COL4A6: variants seen among roughly 807,000 people sequenced by gnomAD.
COL4A6 encodes the protein collagen alpha-6(IV) chain.
A neutral mutation model predicts 126.7 loss-of-function variants in COL4A6; 59 were observed. The observed-to-expected ratio is 0.47, with a 90% CI of 0.38 to 0.58. COL4A6 has a LOEUF of 0.58. Ranked by LOEUF, COL4A6 falls within the 20% of genes least tolerant of loss-of-function variation. The pLI, the probability that COL4A6 is intolerant of heterozygous loss-of-function variation, is 0.00. For synonymous variants in COL4A6, 547 were observed against 496.6 expected (o/e 1.10, Z -1.35); for missense variants, 1,285 against 1,337.3 (o/e 0.96, Z 0.61).
intron 2 of COL4A6, among the ~76,000 whole-genome samples, chrX:108,409,960 C>T (rs374885981): frequency 6.3e-5 from 7 of 111,653 alleles, no homozygotes; most frequent in African/African-American, 2.0e-4. Flanking sequence ...AAGTCTTCCC[C>T]GGAATCCTCC....
chrX:108,165,186 C>T, intron 38 of COL4A6, 148 bp from the exon 39 acceptor site: 1 of 816,508 alleles, frequency 1.2e-6, no homozygotes, highest in Non-Finnish European at 1.8e-6. Flanking sequence ...CCCAGACTTT[C>T]CCAAACCATT....
At chrX:108,343,787 T>C (rs2039642162) in intron 2 of COL4A6, among the ~76,000 whole-genome samples, 2 of 86,418 alleles carry the variant, frequency 2.3e-5, no homozygotes, top group Admixed American at 2.9e-4. Context: ...TATTTTTGGC[T>C]GCAAAGGCAA....
chrX:108,385,204 G>A (rs189680677), intron 2 of COL4A6, among the ~76,000 whole-genome samples: 2 of 107,938 alleles, frequency 1.9e-5, no homozygotes. Flanking sequence ...TCTGTACACT[G>A]GTAATGAACA....
intron 3 of COL4A6, among the ~76,000 whole-genome samples, chrX:108,284,486 C>A (rs189271858): frequency 8.9e-6 from 1 of 111,839 alleles, no homozygotes; most frequent in East Asian, 2.8e-4. Flanking sequence ...AAGACATGAT[C>A]CAATATAGTA....
intron 3 of COL4A6, among the ~76,000 whole-genome samples, chrX:108,233,903 T>C (rs1387755176): frequency 9.2e-6 from 1 of 108,992 alleles, no homozygotes; most frequent in Non-Finnish European, 1.9e-5. Context: ...GGCAAAAAGA[T>C]GGGAAGGGAA....
intron 2 of COL4A6, among the ~76,000 whole-genome samples, chrX:108,433,310 T>C (rs769971476): frequency 2.7e-5 from 3 of 111,352 alleles, no homozygotes; most frequent in Non-Finnish European, 3.8e-5. Flanking sequence ...AGGTCTTCTA[T>C]TTACATTTAA....
At chrX:108,301,774 T>C (rs1455246723) in intron 3 of COL4A6, among the ~76,000 whole-genome samples, 2 of 111,762 alleles carry the variant, frequency 1.8e-5, no homozygotes, top group African/African-American at 6.5e-5. Context: ...TTTTGTAACC[T>C]ACGATGTACC....
intron 8 of COL4A6, among the ~76,000 whole-genome samples, chrX:108,209,025 T>C (rs546432330): frequency 3.6e-5 from 4 of 112,026 alleles, no homozygotes; most frequent in African/African-American, 9.7e-5. Flanking sequence ...GTACAGTGGA[T>C]GTTGTTCTGT....
At chrX:108,246,308 G>C (rs1432637948) in intron 3 of COL4A6, among the ~76,000 whole-genome samples, 1 of 111,899 alleles carries the variant, frequency 8.9e-6, no homozygotes, top group Non-Finnish European at 1.9e-5. Context: ...AAAGTTCTTG[G>C]CTGCAAGCAA....
intron 11 of COL4A6, 68 bp downstream of exon 11, chrX:108,205,371 A>T: frequency 1.1e-6 from 1 of 871,125 alleles, no homozygotes; most frequent in Non-Finnish European, 1.7e-6. Flanking sequence ...AAGCAGGCAC[A>T]TGTGTGTAAT....
chrX:108,218,823 C>T (rs1472682025), intron 5 of COL4A6, among the ~76,000 whole-genome samples: 2 of 111,891 alleles, frequency 1.8e-5, no homozygotes, highest in East Asian at 5.6e-4. Flanking sequence ...GGACCTCCCA[C>T]AAATGGAGGA....
intron 2 of COL4A6, among the ~76,000 whole-genome samples, chrX:108,416,585 T>C (rs368158631): frequency 8.9e-6 from 1 of 112,281 alleles, no homozygotes; most frequent in East Asian, 2.8e-4. Flanking sequence ...TTAGACAGTG[T>C]GTGATCATTG....
chrX:108,282,022 A>G (rs2037850205), intron 3 of COL4A6, among the ~76,000 whole-genome samples: 1 of 111,321 alleles, frequency 9.0e-6, no homozygotes, highest in Admixed American at 9.5e-5. Context: ...CTGAAACGTT[A>G]GACCTAAAAC....
At chrX:108,275,721 A>G (rs775464567) in intron 3 of COL4A6, among the ~76,000 whole-genome samples, 1 of 113,130 alleles carries the variant, frequency 8.8e-6, no homozygotes, top group Non-Finnish European at 1.9e-5. Flanking sequence ...GATGCAATGT[A>G]TAATCTAAGG....
chrX:108,202,904 T>C, intron 13 of COL4A6, 24 bp downstream of exon 13: 1 of 1,184,725 alleles, frequency 8.4e-7, no homozygotes. Context: ...CTTGTATACA[T>C]ATTGATCAAA....
At chrX:108,429,825 G>C (rs758619870) in intron 2 of COL4A6, among the ~76,000 whole-genome samples, 13 of 111,955 alleles carry the variant, frequency 1.2e-4, no homozygotes, top group African/African-American at 3.9e-4. Context: ...TTATACTATT[G>C]AACAGGGTTG....
intron 2 of COL4A6, among the ~76,000 whole-genome samples, chrX:108,422,151 G>A (rs1213793781): frequency 1.8e-5 from 2 of 111,272 alleles, no homozygotes; most frequent in African/African-American, 6.5e-5. Flanking sequence ...TGAGATGGGA[G>A]GATCACTTGA....
intron 31 of COL4A6, among the ~76,000 whole-genome samples, chrX:108,174,153 G>A (rs764939518): frequency 8.9e-6 from 1 of 112,033 alleles, no homozygotes; most frequent in African/African-American, 3.2e-5. Flanking sequence ...ACTCCTGGAG[G>A]AGATGGTGCC....
At chrX:108,190,342 C>T in intron 20 of COL4A6, 50 bp downstream of exon 20, 1 of 882,682 alleles carries the variant, frequency 1.1e-6, no homozygotes, top group Non-Finnish European at 1.6e-6. Context: ...CCCCAGGAAG[C>T]CTTCTCTAAG....
Sources: gnomAD v4.1 joint callset for allele counts (sites outside exome capture counted in the v4.1 genomes callset) on GRCh38, gnomAD v4.1.1 for gene constraint, MANE v1.5 for transcripts, NCBI Gene and HGNC (gene_info 2026-07-23, HGNC 2026-07-21) for gene names.